Variants in MZT2B observed in about 807,000 individuals in gnomAD.
MZT2B encodes the protein mitotic spindle organizing protein 2B, also known as mitotic-spindle organizing protein 2B.
MZT2B carries 11 observed loss-of-function variants against 12.1 expected under a neutral mutation model. The ratio of observed to expected loss-of-function variants is 0.91; its 90% CI spans 0.57 to 1.50. The LOEUF is 1.50. Ranked by LOEUF, MZT2B falls within the 40% of genes most tolerant of loss-of-function variation. The pLI is 0.00. For synonymous variants in MZT2B, 85 were observed against 109.5 expected, an observed-to-expected ratio of 0.78 and a Z score of 1.40; for missense variants, 209 against 227.7, an observed-to-expected ratio of 0.92 and a Z score of 0.53.
At chr2:130,193,746 C>T, downstream of MZT2B, 1 of 1,568,480 alleles carries the variant, frequency 6.4e-7, no homozygotes, top group Non-Finnish European at 8.7e-7. Context: ...TTTTGTGCAT[C>T]TGCTGCTTGC....
At chr2:130,201,995 A>C in the MZT2B span, among the ~76,000 whole-genome samples, 1 of 152,168 alleles carries the variant, frequency 6.6e-6, no homozygotes, top group East Asian at 1.9e-4. Context: ...TGCAATATTT[A>C]TTTTTCTGAT....
the MZT2B span, chr2:130,204,462 G>A: frequency 2.8e-5 from 10 of 352,890 alleles, no homozygotes; most frequent in Middle Eastern, 3.9e-4. Context: ...AGGTCGAGGC[G>A]GGTGGATGGC....
chr2:130,198,464 G>A, the MZT2B span: 1 of 1,268,960 alleles, frequency 7.9e-7, no homozygotes, highest in Non-Finnish European at 1.1e-6. Flanking sequence ...CGCCGCACAG[G>A]ATTGGCCTGC....
intron 2 of MZT2B, among the ~76,000 whole-genome samples, chr2:130,187,136 C>A (rs536739616): frequency 7.6e-6 from 1 of 131,802 alleles, no homozygotes; most frequent in East Asian, 2.3e-4. Context: ...TGAAATAATA[C>A]GTTGGATATT....
At chr2:130,183,503 A>C (rs1689895439) in intron 2 of MZT2B, 2 of 551,934 alleles carry the variant, frequency 3.6e-6, no homozygotes, top group South Asian at 2.0e-5. Context: ...GTCCCTGCTC[A>C]TCCTCTCCGC....
At chr2:130,191,719 G>C (rs966992784), downstream of MZT2B, 1 of 1,518,882 alleles carries the variant, frequency 6.6e-7, no homozygotes, top group Admixed American at 2.1e-5. Flanking sequence ...TGTAGGCAGA[G>C]CTAAGCTGCA....
chr2:130,191,894 C>T (rs1690268017), downstream of MZT2B: 1 of 1,614,066 alleles, frequency 6.2e-7, no homozygotes, highest in African/African-American at 1.3e-5. Flanking sequence ...CTTCACAATC[C>T]TTCTCTAGAG....
chr2:130,183,571 T>C (rs1689903856), intron 2 of MZT2B: 2 of 755,178 alleles, frequency 2.6e-6, no homozygotes, highest in African/African-American at 1.7e-5. Context: ...CCTAGGCCAA[T>C]GGAAGAAGGC....
At chr2:130,184,323 T>C in intron 2 of MZT2B, 1 of 985,420 alleles carries the variant, frequency 1.0e-6, no homozygotes, top group Non-Finnish European at 1.2e-6. Flanking sequence ...CCTCGGCCTC[T>C]TAGAAGTTGT....
chr2:130,189,698 C>G (rs1414900272), intron 2 of MZT2B, among the ~76,000 whole-genome samples: 1 of 152,206 alleles, frequency 6.6e-6, no homozygotes, highest in African/African-American at 2.4e-5. Flanking sequence ...GGAAATCCAT[C>G]CCATTAAAAT....
intron 2 of MZT2B, chr2:130,183,217 G>C: frequency 3.6e-6 from 1 of 275,110 alleles, no homozygotes; most frequent in Non-Finnish European, 7.0e-6. Flanking sequence ...TCAAAAGACA[G>C]TCTCGATCTC....
At chr2:130,204,113 C>G in the MZT2B span, 47 of 1,286,622 alleles carry the variant, frequency 3.7e-5, no homozygotes, top group Non-Finnish European at 4.8e-5. Flanking sequence ...GACTAAATGT[C>G]CAGCCTTCCA....
At chr2:130,191,638 C>A (rs1317376136), downstream of MZT2B, 11 of 977,262 alleles carry the variant, frequency 1.1e-5, no homozygotes, top group African/African-American at 1.7e-4. Flanking sequence ...CTGCTGCACC[C>A]AACCCCACGC....
chr2:130,189,865 G>A (rs1690193328), intron 2 of MZT2B, among the ~76,000 whole-genome samples: 1 of 152,204 alleles, frequency 6.6e-6, no homozygotes, highest in Non-Finnish European at 1.5e-5. Context: ...ACTGTGGCAG[G>A]AACCCTGTCA....
chr2:130,194,954 A>G (rs1248066373), downstream of MZT2B: 15 of 1,528,576 alleles, frequency 9.8e-6, no homozygotes, highest in East Asian at 2.3e-5. Flanking sequence ...CTGGGATTAC[A>G]CGTGTGAGCC....
chr2:130,200,459 G>C, the MZT2B span, among the ~76,000 whole-genome samples: 2 of 152,040 alleles, frequency 1.3e-5, no homozygotes, highest in Non-Finnish European at 2.9e-5. Context: ...CAAATTCCAG[G>C]AACAGGAAGA....
intron 2 of MZT2B, chr2:130,183,591 G>A (rs563865519): frequency 3.3e-5 from 29 of 878,832 alleles, no homozygotes; most frequent in African/African-American, 2.6e-4. Context: ...CCCAGAGCTG[G>A]CTCCCTGCCT....
rs967252486 is a variant in MZT2B, at chr2:130,182,821, G to A, written c.319+46G>A. ...CCCTGCCCCAGTGGCGGGGGTGGCG[G>A]GCGGGGAGGGGGCAGGCGCGGCACA... is the stretch of plus-strand genomic sequence containing the variant. On this transcript the variant is annotated intron_variant, in intron 2 of 2. Coordinates refer to ENST00000281871, the MANE Select transcript of MZT2B (RefSeq NM_025029.5). 169 of 1,351,162 alleles carry A rather than the reference G, an allele frequency of 1.3e-4. 1 individual carries two copies. Among genetic ancestry groups the A allele is most frequent in the Admixed American group, 1.1e-3 (44 of 40,156 alleles). The allele number at this position is 1,351,162 out of a possible 1,614,324, so 83.7% of individuals were successfully genotyped here. A position where few individuals can be genotyped will look rare whatever the true frequency, so the allele number is the denominator to read the frequency against.
In MZT2B at chr2:130,190,431, A is replaced by G. The variant is rs780547689; in HGVS notation, c.320-38A>G. 10 of 1,605,364 alleles carry G rather than the reference A, an allele frequency of 6.2e-6. No homozygotes were observed. In the African/African-American group the frequency reaches 1.1e-4, roughly 17 times the overall value. On this transcript the variant is annotated intron_variant, in intron 2 of 2. Transcript: ENST00000281871. The stretch of plus-strand genomic sequence containing the variant: ...ACAGCAGGTGCTGCAGTTACGGGGC[A>G]CGCCCATTCCTAATCATTGTGCTTT...
Sources: allele counts gnomAD v4.1 joint callset (sites outside exome capture counted in the v4.1 genomes callset), GRCh38; gene constraint gnomAD v4.1.1; transcripts MANE v1.5; gene names NCBI Gene and HGNC (gene_info 2026-07-23, HGNC 2026-07-21).